Variants in LRRN1 observed in about 807,000 individuals in gnomAD.
LRRN1 encodes the protein leucine rich repeat neuronal 1.
In LRRN1, 14 loss-of-function variants were observed where a neutral mutation model predicts 45.8. The ratio of observed to expected loss-of-function variants is 0.31; its 90% confidence interval spans 0.20 to 0.48. The LOEUF (loss-of-function observed/expected upper bound fraction) is 0.48. Ranked by LOEUF, LRRN1 falls within the 20% of genes least tolerant of loss-of-function variation. The pLI is 0.99. For missense variants in LRRN1, 789 were observed against 874.2 expected, an observed-to-expected ratio of 0.90 and a Z score of 1.23; for synonymous variants, 359 against 330.1, an observed-to-expected ratio of 1.09 and a Z score of -0.95.
chr3:3,834,525 G>GAGATATATATATATATATATATATAT (rs750534210), intron 1 of LRRN1, among the ~76,000 whole-genome samples: 4 of 27,328 alleles, frequency 1.5e-4, no homozygotes, highest in African/African-American at 3.4e-4. Context: ...GACAGAACAG[G>GAGATATATATATATATATATATATAT]ATATATATAT....
chr3:3,835,523 C>T (rs28481718), intron 1 of LRRN1, among the ~76,000 whole-genome samples: 6 of 150,820 alleles, frequency 4.0e-5, no homozygotes, highest in African/African-American at 7.3e-5. Flanking sequence ...AAGCATAATT[C>T]GAATACAGAA....
intron 1 of LRRN1, among the ~76,000 whole-genome samples, chr3:3,842,634 G>A (rs1039702199): frequency 6.6e-5 from 10 of 152,104 alleles, no homozygotes; most frequent in African/African-American, 2.4e-4. Flanking sequence ...ATTGAGCACT[G>A]GGTTTAAACA....
intron 1 of LRRN1, among the ~76,000 whole-genome samples, chr3:3,802,309 TATATTA>T (rs1311654039): frequency 1.3e-5 from 2 of 152,214 alleles, no homozygotes; most frequent in Non-Finnish European, 2.9e-5. Flanking sequence ...GGCAGGCGAT[TATATTA>T]ATACCTACGA....
chr3:3,825,611 A>C (rs563321286), intron 1 of LRRN1, among the ~76,000 whole-genome samples: 2 of 152,288 alleles, frequency 1.3e-5, no homozygotes, highest in African/African-American at 4.8e-5. Flanking sequence ...ATTAGGAAAC[A>C]CTGAATTTGG....
chr3:3,811,917 T>C (rs1692878484), intron 1 of LRRN1, among the ~76,000 whole-genome samples: 1 of 152,328 alleles, frequency 6.6e-6, no homozygotes, highest in Non-Finnish European at 1.5e-5. Flanking sequence ...CCAGACGGGT[T>C]TGAATCTCAA....
At chr3:3,828,327 G>T (rs1693276069) in intron 1 of LRRN1, among the ~76,000 whole-genome samples, 1 of 151,936 alleles carries the variant, frequency 6.6e-6, no homozygotes, top group African/African-American at 2.4e-5. Flanking sequence ...GAAGCATCCA[G>T]CACGGGAGAA....
intron 1 of LRRN1, among the ~76,000 whole-genome samples, chr3:3,823,991 C>T (rs1218185270): frequency 6.6e-6 from 1 of 152,122 alleles, no homozygotes. Context: ...GAGTCAAGAC[C>T]AGAGGTAAGG....
At chr3:3,822,587 C>T (rs1693126733) in intron 1 of LRRN1, 2 of 152,156 alleles carry the variant, frequency 1.3e-5, no homozygotes, top group Admixed American at 1.3e-4. Flanking sequence ...CTTCAGGTGT[C>T]ATTCAACCTA....
chr3:3,839,062 A>G (rs771756022), intron 1 of LRRN1, among the ~76,000 whole-genome samples: 1 of 151,992 alleles, frequency 6.6e-6, no homozygotes, highest in Non-Finnish European at 1.5e-5. Flanking sequence ...TTTTGGTGTC[A>G]TATCTAAGAA....
chr3:3,830,543 C>A (rs1399666418), intron 1 of LRRN1, among the ~76,000 whole-genome samples: 1 of 152,164 alleles, frequency 6.6e-6, no homozygotes, highest in African/African-American at 2.4e-5. Context: ...TTGTGCAGAA[C>A]CATCTGTGAA....
intron 1 of LRRN1, among the ~76,000 whole-genome samples, chr3:3,811,929 T>G (rs1334792410): frequency 2.0e-5 from 3 of 152,206 alleles, no homozygotes; most frequent in Non-Finnish European, 4.4e-5. Context: ...GAATCTCAAC[T>G]TTGTCACGTA....
intron 1 of LRRN1, among the ~76,000 whole-genome samples, chr3:3,835,710 C>T (rs1184341878): frequency 1.3e-5 from 2 of 151,702 alleles, no homozygotes; most frequent in Non-Finnish European, 1.5e-5. Context: ...TAAGTCCCAC[C>T]GAATAATGTC....
intron 1 of LRRN1, among the ~76,000 whole-genome samples, chr3:3,805,196 A>G (rs1254477246): frequency 6.6e-6 from 1 of 152,234 alleles, no homozygotes; most frequent in Admixed American, 6.5e-5. Context: ...AGTTTGCACT[A>G]TTAAGCAGTG....
rs937351885 is a variant in LRRN1, at chr3:3,848,333, A to G, written c.*1541A>G. Among the ~76,000 whole-genome samples the G allele has an allele frequency of 1.4e-4, 22 of 152,348 alleles. No homozygotes were observed. The highest frequency in any genetic ancestry group is 2.6e-4 in the Admixed American group (4 of 15,302). On this transcript the variant is annotated 3_prime_UTR_variant, in exon 2 of 2. Transcript: ENST00000319331. Reference sequence around the variant, plus strand: ...ATTTAGAGCAGATGGAACTAGGTTTAGGTAGAAGGCCAGTTCCACAAAGGG... The same window carrying G: ...ATTTAGAGCAGATGGAACTAGGTTTGGGTAGAAGGCCAGTTCCACAAAGGG...
chr3:3,828,127 C>G (rs530829994), intron 1 of LRRN1, among the ~76,000 whole-genome samples: 1 of 73,990 alleles, frequency 1.4e-5, no homozygotes, highest in East Asian at 3.7e-4. Context: ...CTTAGAGGGA[C>G]AGAATTATAT....
chr3:3,818,019 C>T (rs373496848), intron 1 of LRRN1, among the ~76,000 whole-genome samples: 2 of 152,166 alleles, frequency 1.3e-5, no homozygotes, highest in Non-Finnish European at 2.9e-5. Flanking sequence ...CCCACAGTGA[C>T]GAGTCTATTT....
chr3:3,847,021 A>G lies in LRRN1; in HGVS notation c.*229A>G. ...TCTGTGTTTGGTTTTTATTCTTATC[A>G]TTATTATGATTGTTATTATATTATT... is the stretch of plus-strand genomic sequence containing the variant. On this transcript the variant is annotated 3_prime_UTR_variant, in exon 2 of 2. Coordinates refer to ENST00000319331, the MANE Select transcript of LRRN1 (RefSeq NM_020873.7). 2.7e-6 allele frequency: 1 copy of G among 369,974 alleles called. No homozygotes were observed. The highest frequency in any genetic ancestry group is 5.0e-6 in the Non-Finnish European group (1 of 198,736). The allele number at this position is 369,974 out of a possible 1,614,324, so 22.9% of individuals were successfully genotyped here.
intron 1 of LRRN1, among the ~76,000 whole-genome samples, chr3:3,841,837 G>T (rs17037475): frequency 0.15 from 23,111 of 152,144 alleles, 1,928 homozygotes; most frequent in African/African-American, 0.23. Flanking sequence ...TCATTTCATA[G>T]AATTTCCAGA....
At chr3:3,829,866 C>G (rs536957333) in intron 1 of LRRN1, among the ~76,000 whole-genome samples, 3 of 152,196 alleles carry the variant, frequency 2.0e-5, no homozygotes, top group Non-Finnish European at 4.4e-5. Context: ...CCAGTGAGGA[C>G]AAACCTCTGC....
Sources: allele counts gnomAD v4.1 joint callset (sites outside exome capture counted in the v4.1 genomes callset), GRCh38; gene constraint gnomAD v4.1.1; transcripts MANE v1.5; gene names NCBI Gene and HGNC (gene_info 2026-07-23, HGNC 2026-07-21).